Variants in TNFSF4 observed in about 807,000 individuals in gnomAD.
TNFSF4 encodes the protein TNF superfamily member 4.
In TNFSF4, 4 loss-of-function variants were observed where a neutral mutation model predicts 7.3. The observed-to-expected ratio is 0.55, with a 90% CI of 0.27 to 1.25. The LOEUF is 1.25. Among genes scored for constraint, TNFSF4 ranks in the 50% most tolerant of loss-of-function variants. The probability of loss-of-function intolerance (pLI) is 0.12; values close to 1 mark genes in which losing one functional copy is unlikely to be tolerated. For synonymous variants in TNFSF4, 76 were observed against 83.7 expected (o/e 0.91, Z 0.50); for missense variants, 181 against 208.8 (o/e 0.87, Z 0.82).
At chr1:173,265,227 T>C in the TNFSF4 span, among the ~76,000 whole-genome samples, 1 of 152,210 alleles carries the variant, frequency 6.6e-6, no homozygotes, top group Non-Finnish European at 1.5e-5. Flanking sequence ...GAAAGTGGAC[T>C]GAGAAAGGAG....
intron 1 of TNFSF4, among the ~76,000 whole-genome samples, chr1:173,191,841 A>G (rs1467163567): frequency 6.6e-6 from 1 of 152,208 alleles, no homozygotes; most frequent in African/African-American, 2.4e-5. Context: ...GGATAACTTA[A>G]AGCATCCAGC....
chr1:173,423,795 T>G, the TNFSF4 span, among the ~76,000 whole-genome samples: 1 of 152,154 alleles, frequency 6.6e-6, no homozygotes. Context: ...AATTAGAGAG[T>G]GTCTTCATCT....
chr1:173,247,177 C>T, the TNFSF4 span, among the ~76,000 whole-genome samples: 1 of 152,196 alleles, frequency 6.6e-6, no homozygotes, highest in Non-Finnish European at 1.5e-5. Context: ...TTAGTACTAT[C>T]TGTATGGGCT....
the TNFSF4 span, among the ~76,000 whole-genome samples, chr1:173,239,621 G>A: frequency 2.6e-5 from 4 of 152,166 alleles, no homozygotes; most frequent in South Asian, 8.3e-4. Context: ...TTGGAACGGA[G>A]CTGAAAGAAA....
chr1:173,399,430 T>A, the TNFSF4 span, among the ~76,000 whole-genome samples: 2 of 152,110 alleles, frequency 1.3e-5, no homozygotes, highest in Non-Finnish European at 2.9e-5. Context: ...CTTCAAGCAA[T>A]GCAACTCGCT....
At chr1:173,262,767 T>C in the TNFSF4 span, among the ~76,000 whole-genome samples, 1 of 152,052 alleles carries the variant, frequency 6.6e-6, no homozygotes, top group African/African-American at 2.4e-5. Context: ...CGCGCCTGGC[T>C]AATTTTTTGT....
downstream of TNFSF4, among the ~76,000 whole-genome samples, chr1:173,181,677 C>T (rs1298001275): frequency 6.6e-6 from 1 of 152,216 alleles, no homozygotes; most frequent in Non-Finnish European, 1.5e-5. Flanking sequence ...TTCCCCAGGC[C>T]CTTAGTCGGA....
At chr1:173,397,085 A>G in the TNFSF4 span, among the ~76,000 whole-genome samples, 2 of 152,234 alleles carry the variant, frequency 1.3e-5, no homozygotes, top group Non-Finnish European at 2.9e-5. Context: ...AGTCTGACAT[A>G]TAAAACCTAT....
chr1:173,214,812 T>G, the TNFSF4 span, among the ~76,000 whole-genome samples: 18,951 of 152,200 alleles, frequency 0.12, 1,315 homozygotes, highest in Middle Eastern at 0.18. Flanking sequence ...TCAATCCTCC[T>G]GCGAACACTC....
the TNFSF4 span, among the ~76,000 whole-genome samples, chr1:173,395,039 ATAGATAG>A: frequency 8.0e-5 from 7 of 87,086 alleles, no homozygotes; most frequent in Non-Finnish European, 1.8e-4. Flanking sequence ...TAGATAGATG[ATAGATAG>A]ATAGATAGAT....
the TNFSF4 span, among the ~76,000 whole-genome samples, chr1:173,243,005 G>T: frequency 2.6e-3 from 84 of 31,952 alleles, 1 homozygote; most frequent in African/African-American, 0.01. Context: ...GTTGGTGGGT[G>T]GGGGGGGGGG....
At chr1:173,430,524 G>A in the TNFSF4 span, among the ~76,000 whole-genome samples, 1 of 152,210 alleles carries the variant, frequency 6.6e-6, no homozygotes, top group Non-Finnish European at 1.5e-5. Flanking sequence ...GCAAAGGGAT[G>A]TAATGGGGAT....
chr1:173,175,218 C>T, the TNFSF4 span: 3 of 152,056 alleles, frequency 2.0e-5, no homozygotes, highest in African/African-American at 7.2e-5. Flanking sequence ...TAAGTAAAAC[C>T]AGAGGATACA....
the TNFSF4 span, among the ~76,000 whole-genome samples, chr1:173,355,788 C>T: frequency 1.3e-5 from 2 of 152,358 alleles, no homozygotes; most frequent in African/African-American, 4.8e-5. Context: ...TGAGGTCCCA[C>T]TGCCATGCAG....
the TNFSF4 span, among the ~76,000 whole-genome samples, chr1:173,258,111 A>G: frequency 6.6e-6 from 1 of 152,124 alleles, no homozygotes; most frequent in Non-Finnish European, 1.5e-5. Flanking sequence ...ACAAAGACCA[A>G]CCAAATTCCA....
the TNFSF4 span, among the ~76,000 whole-genome samples, chr1:173,266,842 G>C: frequency 6.6e-6 from 1 of 152,098 alleles, no homozygotes; most frequent in South Asian, 2.1e-4. Context: ...GGGGATCCAG[G>C]AACTACTTAC....
the TNFSF4 span, among the ~76,000 whole-genome samples, chr1:173,400,961 G>A: frequency 3.3e-5 from 5 of 152,148 alleles, no homozygotes; most frequent in African/African-American, 1.2e-4. Flanking sequence ...ACAGAAACAA[G>A]GACTCTAATT....
chr1:173,286,486 A>T, the TNFSF4 span, among the ~76,000 whole-genome samples: 1 of 152,210 alleles, frequency 6.6e-6, no homozygotes, highest in African/African-American at 2.4e-5. Flanking sequence ...AAAGACACTA[A>T]TTCAGTCAGG....
chr1:173,231,853 C>G, the TNFSF4 span, among the ~76,000 whole-genome samples: 1 of 152,030 alleles, frequency 6.6e-6, no homozygotes, highest in Non-Finnish European at 1.5e-5. Context: ...TGAGTGAACT[C>G]CCATTCACAA....
Sources: allele counts gnomAD v4.1 joint callset (sites outside exome capture counted in the v4.1 genomes callset), GRCh38; gene constraint gnomAD v4.1.1; transcripts MANE v1.5; gene names NCBI Gene and HGNC (gene_info 2026-07-23, HGNC 2026-07-21).